The following SLC2A8 variants were observed in gnomAD, a reference collection of about 807,000 sequenced individuals.
SLC2A8 encodes solute carrier family 2, facilitated glucose transporter member 8.
SLC2A8 carries 53 observed loss-of-function variants against 49.2 expected under a neutral mutation model. That is an observed-to-expected ratio of 1.08 (90% CI 0.86 to 1.35). The LOEUF is 1.35. Among genes scored for constraint, SLC2A8 ranks in the 40% most tolerant of loss-of-function variants. The pLI, the probability that SLC2A8 is intolerant of heterozygous loss-of-function variation, is 0.00. For missense variants in SLC2A8, 688 were observed against 671.7 expected (o/e 1.02, Z -0.27); for synonymous variants, 299 against 297.0 (o/e 1.01, Z -0.07).
At position 127,399,085 on chromosome 9, in the gene SLC2A8, G is replaced by A. The variant is rs1439636429; in HGVS notation, c.427-822G>A. ...ATGGAATAACCTTAGATGCATGGGT[G>A]AGGGCCTGGTGGCCTGTGGGCCCAG... On this transcript the variant is annotated intron_variant, in intron 3 of 9. Coordinates refer to ENST00000373371, the MANE Select transcript of SLC2A8 (RefSeq NM_014580.5). The surrounding 1 kb of genome is among the most constrained non-coding windows in gnomAD (Gnocchi z 4.2). 6.6e-6 allele frequency among the ~76,000 whole-genome samples: 1 copy of A among 152,200 alleles called. No homozygotes were observed. The highest frequency in any genetic ancestry group is 1.5e-5 in the Non-Finnish European group (1 of 68,050).
chr9:127,398,944 C>A (rs554964000), intron 3 of SLC2A8, among the ~76,000 whole-genome samples: 1 of 152,186 alleles, frequency 6.6e-6, no homozygotes, highest in East Asian at 1.9e-4. Context: ...ATTTCACCAA[C>A]GTTTGCTAAC....
In SLC2A8 at chr9:127,402,629, G is replaced by C; in HGVS notation, c.599G>C (p.Cys200Ser). Residue 200 changes from cysteine to serine, a missense_variant, in exon 5 of 10, where the codon TGC becomes TCC. By Grantham distance (112) the Cys-to-Ser change is moderately radical. Transcript: ENST00000373371. Reference protein sequence around the residue: ...VPPSLMLLLMCFMPETPRFLL... With the variant: ...VPPSLMLLLMSFMPETPRFLL... ...CCCTCCCTCATGCTGCTTCTCATGT[G>C]CTTCATGCCCGAGACCCCGCGCTTC... The C allele has an allele frequency of 6.3e-7, 1 of 1,598,002 alleles. No individual in the cohort carries two copies. Among genetic ancestry groups the C allele is most frequent in the Non-Finnish European group, 8.5e-7 (1 of 1,174,652 alleles).
chr9:127,397,368 C>T lies in SLC2A8; in HGVS notation c.57-8C>T. 1 of 1,458,942 alleles carries T rather than the reference C, an allele frequency of 6.9e-7. No individual in the cohort carries two copies. The allele number at this position is 1,458,942 out of a possible 1,614,324, so 90.4% of individuals were successfully genotyped here. ...CCGCTCCGCTCACCCTCGGCCCTGT[C>T]CCCCCAGCGCGCCCCGCGGCCGCCG... is the stretch of plus-strand genomic sequence containing the variant. On this transcript the variant is annotated splice_region_variant and splice_polypyrimidine_tract_variant and intron_variant, in intron 1 of 9. Transcript: ENST00000373371.
chr9:127,403,480 C>T, intron 5 of SLC2A8, 180 bp from the exon 6 acceptor site: 1 of 685,444 alleles, frequency 1.5e-6, no homozygotes. Context: ...AGGGTCATCT[C>T]ACCTGACACA....
At chr9:127,398,336 T>A in intron 3 of SLC2A8, 2 of 777,128 alleles carry the variant, frequency 2.6e-6, no homozygotes, top group South Asian at 1.4e-5. Context: ...CTCGGAAAGG[T>A]GAAGTCCTTT....
At chr9:127,404,282 C>T (rs1057190758) in intron 7 of SLC2A8, 9 of 492,566 alleles carry the variant, frequency 1.8e-5, no homozygotes, top group Non-Finnish European at 2.9e-5. Flanking sequence ...CTGTGGTGAA[C>T]CCACCAGAAG....
intron 4 of SLC2A8, chr9:127,402,238 G>A (rs1334080338): frequency 1.4e-5 from 4 of 288,712 alleles, no homozygotes; most frequent in Non-Finnish European, 2.6e-5. Flanking sequence ...TTCTACAAAT[G>A]GTGCCACATC....
chr9:127,404,548 G>A (rs930144835), intron 7 of SLC2A8: 13 of 449,524 alleles, frequency 2.9e-5, no homozygotes, highest in East Asian at 1.1e-4. Context: ...GACGACCGTC[G>A]GGGCTGAGGG....
intron 3 of SLC2A8, chr9:127,398,332 AAGGTGAAGTCCTTTGCCCAGGCG>A: frequency 1.3e-6 from 1 of 779,330 alleles, no homozygotes; most frequent in South Asian, 1.4e-5. Context: ...CAGTCTCGGA[AAGGTGAAGTCCTTTGCCCAGGCG>A]AGGTCCACAG....
rs1428298421 is a variant in SLC2A8 at position 127,397,406 on chromosome 9, C to T, written c.87C>T (p.Ala29=). The stretch of plus-strand genomic sequence containing the variant: ...CCCGCGGCCGCCGCGTCTTCCTCGC[C>T]GCCTTCGCCGCTGCCCTGGGCCCAC... ...SAPRGRRVFL[A]AFAAALGPLS... The change falls in exon 2 of 10, where the codon GCC becomes GCT. Residue 29 remains alanine, a synonymous_variant. Transcript: ENST00000373371. 4 of 1,474,900 alleles carry T rather than the reference C, an allele frequency of 2.7e-6. No individual in the cohort carries two copies. Among genetic ancestry groups the T allele is most frequent in the Non-Finnish European group, 3.6e-6 (4 of 1,121,504 alleles). The allele number at this position is 1,474,900 out of a possible 1,614,324, so 91.4% of individuals were successfully genotyped here.
intron 8 of SLC2A8, 49 bp from the exon 9 acceptor site, chr9:127,405,371 C>A: frequency 6.3e-7 from 1 of 1,595,832 alleles, no homozygotes; most frequent in Non-Finnish European, 8.5e-7. Context: ...AGCTGAGGAG[C>A]CCAGCCCTGC....
chr9:127,399,985 A>C lies in SLC2A8; in HGVS notation c.505A>C (p.Ile169Leu), dbSNP rs887644744. The change falls in exon 4 of 10, where the codon ATC (isoleucine) becomes CTC (leucine). Residue 169 changes from isoleucine to leucine, a missense_variant. By Grantham distance (5) the Ile-to-Leu change is conservative. Coordinates refer to ENST00000373371, the MANE Select transcript of SLC2A8 (RefSeq NM_014580.5). This position sits in a 1 kb window ranked among gnomAD's most constrained non-coding sequence, Gnocchi z 4.2. ...SCVQLMVVVG[I>L]LLAYLAGWVL... ...TGTGCAGCTAATGGTCGTCGTCGGC[A>C]TCCTCCTGGCCTACCTGGCAGGTAT... 1.2e-6 allele frequency: 2 copies of C among 1,613,530 alleles called. No individual in the cohort carries two copies. The highest frequency in any genetic ancestry group is 2.7e-5 in the African/African-American group (2 of 74,854).
intron 7 of SLC2A8, chr9:127,404,304 GC>G (rs1391513546): frequency 4.5e-6 from 2 of 445,860 alleles, no homozygotes; most frequent in Non-Finnish European, 4.0e-6. Context: ...CACTCTCACA[GC>G]CCCAGCTTAT....
intron 7 of SLC2A8, 173 bp from the exon 8 acceptor site, chr9:127,404,645 C>T: frequency 1.4e-6 from 1 of 702,208 alleles, no homozygotes; most frequent in Non-Finnish European, 2.3e-6. Context: ...TCGCTGAGGT[C>T]CAAGGCGGGG....
At chr9:127,398,775 G>C (rs1039477216) in intron 3 of SLC2A8, among the ~76,000 whole-genome samples, 11 of 152,226 alleles carry the variant, frequency 7.2e-5, no homozygotes, top group African/African-American at 2.7e-4. Context: ...TAGTGGTCAG[G>C]ATTCAGTGGG....
In SLC2A8 at chr9:127,397,896, C is replaced by G. The variant is rs1026678490; in HGVS notation, c.220-9C>G. On this transcript the variant is annotated splice_polypyrimidine_tract_variant and intron_variant, in intron 2 of 9. Coordinates refer to ENST00000373371, the MANE Select transcript of SLC2A8 (RefSeq NM_014580.5). Reference sequence around the variant, plus strand: ...CGGCGCCCCCTCCTCAGCAGCCGCCCGCCTCCAGGCTGTCGTGACCCTGGG... The same window carrying G: ...CGGCGCCCCCTCCTCAGCAGCCGCCGGCCTCCAGGCTGTCGTGACCCTGGG... 6.7e-6 allele frequency: 10 copies of G among 1,481,586 alleles called. No homozygotes were observed. Among genetic ancestry groups the G allele is most frequent in the South Asian group, 2.6e-5 (2 of 76,312 alleles). The allele number at this position is 1,481,586 out of a possible 1,614,324, so 91.8% of individuals were successfully genotyped here.
At chr9:127,397,342 T>C in intron 1 of SLC2A8, 34 bp from the exon 2 acceptor site, 1 of 1,397,870 alleles carries the variant, frequency 7.2e-7, no homozygotes, top group Non-Finnish European at 9.2e-7. Context: ...CCCCTCCGCG[T>C]CCGCTCCGCT....
chr9:127,404,351 T>C, intron 7 of SLC2A8: 1 of 383,020 alleles, frequency 2.6e-6, no homozygotes, highest in Non-Finnish European at 4.7e-6. Flanking sequence ...GTGAAGTGAC[T>C]CAAGAGTTTG....
At position 127,405,528 on chromosome 9, in the gene SLC2A8, T is replaced by C. The variant is rs774926576; in HGVS notation, c.1259T>C (p.Met420Thr). ...ATCTGCGTCCTCACCAACTGGCTCA[T>C]GGCCTTTCTCGTGACCAAGGAGTTC... Reference protein sequence around the residue: ...TGICVLTNWLMAFLVTKEFSS... With the variant: ...TGICVLTNWLTAFLVTKEFSS... The change falls in exon 9 of 10, where the codon ATG (methionine) becomes ACG (threonine). Residue 420 changes from methionine (M) to threonine (T), a missense_variant. Transcript: ENST00000373371. 6.2e-7 allele frequency: 1 copy of C among 1,613,276 alleles called. No homozygotes were observed. The highest frequency in any genetic ancestry group is 1.1e-5 in the South Asian group (1 of 91,092).
Sources: allele counts gnomAD v4.1 joint callset (sites outside exome capture counted in the v4.1 genomes callset), GRCh38; gene constraint gnomAD v4.1.1; non-coding constraint Gnocchi (gnomAD v3.1); transcripts MANE v1.5; gene names NCBI Gene and HGNC (gene_info 2026-07-23, HGNC 2026-07-21).